The following STOX2 variants were observed in gnomAD, a reference collection of about 807,000 sequenced individuals.
STOX2 encodes the protein storkhead-box protein 2.
In STOX2, 28 loss-of-function variants were observed where a neutral mutation model predicts 60.9. That is an observed-to-expected ratio of 0.46 (90% CI 0.34 to 0.63). STOX2 has a LOEUF of 0.63. STOX2 is among the 30% of genes least tolerant of loss of function. STOX2 has a pLI of 0.01. For missense variants in STOX2, 1,024 were observed against 1,187.7 expected, an observed-to-expected ratio of 0.86 and a Z score of 2.03; for synonymous variants, 472 against 463.9, an observed-to-expected ratio of 1.02 and a Z score of -0.22.
chr4:183,845,000 G>C (rs1355369219), intron 1 of STOX2, among the ~76,000 whole-genome samples: 1 of 152,180 alleles, frequency 6.6e-6, no homozygotes, highest in Non-Finnish European at 1.5e-5. Context: ...CTAAAACATA[G>C]AAAACATAAT....
chr4:183,974,874 C>A (rs536858257), intron 1 of STOX2, among the ~76,000 whole-genome samples: 1 of 152,100 alleles, frequency 6.6e-6, no homozygotes, highest in Non-Finnish European at 1.5e-5. Flanking sequence ...GTGTTCCTCC[C>A]TCAAATAGCA....
At chr4:183,916,372 G>A (rs955852792) in intron 1 of STOX2, among the ~76,000 whole-genome samples, 3 of 152,182 alleles carry the variant, frequency 2.0e-5, no homozygotes, top group Non-Finnish European at 2.9e-5. Context: ...GCAGAGATGC[G>A]GACCTCATGG....
At chr4:183,973,202 G>C (rs912504961) in intron 1 of STOX2, among the ~76,000 whole-genome samples, 1 of 152,174 alleles carries the variant, frequency 6.6e-6, no homozygotes, top group Non-Finnish European at 1.5e-5. Context: ...GGTCAAAGAC[G>C]TAAGCTTTTA....
chr4:183,890,912 A>G (rs1392716375), intron 1 of STOX2, among the ~76,000 whole-genome samples: 2 of 152,168 alleles, frequency 1.3e-5, no homozygotes, highest in African/African-American at 4.8e-5. Context: ...GTTTGAGATC[A>G]GCCTGGGTAA....
chr4:183,855,918 G>A (rs368654598), intron 1 of STOX2, among the ~76,000 whole-genome samples: 28 of 152,198 alleles, frequency 1.8e-4, no homozygotes, highest in East Asian at 1.3e-3. Flanking sequence ...ACTCTGATAG[G>A]AATCTTCTGC....
At chr4:183,907,705 C>CT (rs1379464744) in intron 1 of STOX2, among the ~76,000 whole-genome samples, 5 of 152,070 alleles carry the variant, frequency 3.3e-5, no homozygotes, top group Non-Finnish European at 4.4e-5. Context: ...GGAGCCAGTT[C>CT]TTTTTTTGGA....
intron 1 of STOX2, among the ~76,000 whole-genome samples, chr4:183,917,885 G>A (rs1741977649): frequency 6.6e-6 from 1 of 152,224 alleles, no homozygotes; most frequent in Non-Finnish European, 1.5e-5. Flanking sequence ...TATGTTATCA[G>A]TCTATCCTCT....
At chr4:183,845,950 A>G (rs1157203887) in intron 1 of STOX2, among the ~76,000 whole-genome samples, 1 of 152,022 alleles carries the variant, frequency 6.6e-6, no homozygotes, top group Non-Finnish European at 1.5e-5. Context: ...ATTGTCTAGT[A>G]TTTTTTCATT....
intron 1 of STOX2, among the ~76,000 whole-genome samples, chr4:183,989,223 A>G (rs1732994685): frequency 7.4e-6 from 1 of 135,050 alleles, no homozygotes; most frequent in Non-Finnish European, 1.6e-5. Flanking sequence ...GTTTTTTGAG[A>G]CAGAGTTTTG....
chr4:183,976,748 T>C (rs575612213), intron 1 of STOX2, among the ~76,000 whole-genome samples: 2 of 152,314 alleles, frequency 1.3e-5, no homozygotes, highest in East Asian at 3.9e-4. Context: ...ACATCATACT[T>C]GATGGTGAAA....
chr4:183,925,478 C>T (rs971320649), intron 1 of STOX2, among the ~76,000 whole-genome samples: 10 of 152,198 alleles, frequency 6.6e-5, no homozygotes, highest in Non-Finnish European at 7.4e-5. Flanking sequence ...CCCCCTTCCC[C>T]GGCCCCTCCC....
intron 1 of STOX2, among the ~76,000 whole-genome samples, chr4:183,799,431 G>A (rs998228070): frequency 3.3e-5 from 5 of 152,182 alleles, no homozygotes; most frequent in African/African-American, 1.2e-4. Flanking sequence ...AAGGATATAC[G>A]TAGTCATTTA....
chr4:183,800,413 G>A (rs890966506), intron 1 of STOX2, among the ~76,000 whole-genome samples: 1 of 152,160 alleles, frequency 6.6e-6, no homozygotes, highest in Non-Finnish European at 1.5e-5. Context: ...ACTGCTAAAC[G>A]TACAAAACCA....
At chr4:183,991,213 A>G (rs1190457877) in intron 1 of STOX2, among the ~76,000 whole-genome samples, 1 of 152,150 alleles carries the variant, frequency 6.6e-6, no homozygotes, top group Non-Finnish European at 1.5e-5. Flanking sequence ...CAGCCTGGTG[A>G]TGCATCCCAA....
intron 1 of STOX2, among the ~76,000 whole-genome samples, chr4:183,831,337 G>A (rs1739563234): frequency 6.6e-6 from 1 of 152,150 alleles, no homozygotes; most frequent in Admixed American, 6.5e-5. Flanking sequence ...CCGCCCCCAA[G>A]TTTGCCTTGA....
At chr4:183,835,247 C>T (rs1305115884) in intron 1 of STOX2, among the ~76,000 whole-genome samples, 3 of 143,778 alleles carry the variant, frequency 2.1e-5, no homozygotes, top group East Asian at 2.0e-4. Flanking sequence ...TTTTTTGAGA[C>T]GGAGTCTGGC....
chr4:183,853,325 C>G (rs543051222), intron 1 of STOX2: 1 of 152,220 alleles, frequency 6.6e-6, no homozygotes, highest in Non-Finnish European at 1.5e-5. Context: ...CCCGTGGGTC[C>G]TTAATGACTT....
intron 1 of STOX2, among the ~76,000 whole-genome samples, chr4:183,924,986 T>C (rs1042449552): frequency 6.6e-6 from 1 of 152,200 alleles, no homozygotes; most frequent in East Asian, 1.9e-4. Flanking sequence ...GATTTTTACA[T>C]GTAGCGGTCT....
At chr4:183,850,761 C>T (rs1740098394) in intron 1 of STOX2, among the ~76,000 whole-genome samples, 1 of 151,986 alleles carries the variant, frequency 6.6e-6, no homozygotes, top group South Asian at 2.1e-4. Context: ...AGAAGAAGAA[C>T]ATGTTGCCAC....
Sources: gnomAD v4.1 joint callset for allele counts (sites outside exome capture counted in the v4.1 genomes callset) on GRCh38, gnomAD v4.1.1 for gene constraint, MANE v1.5 for transcripts, NCBI Gene and HGNC (gene_info 2026-07-23, HGNC 2026-07-21) for gene names.